NELL2: variants seen among roughly 807,000 people sequenced by gnomAD.
NELL2 encodes the protein protein kinase C-binding protein NELL2.
In NELL2, 41 loss-of-function variants were observed where a neutral mutation model predicts 109.6. The ratio of observed to expected loss-of-function variants is 0.37; its 90% CI spans 0.29 to 0.49. NELL2 has a LOEUF of 0.49. NELL2 is among the 20% of genes least tolerant of loss of function. The pLI is 0.98. For synonymous variants in NELL2, 355 were observed against 344.7 expected (o/e 1.03, Z -0.33); for missense variants, 900 against 1,008.3 (o/e 0.89, Z 1.45).
intron 15 of NELL2, among the ~76,000 whole-genome samples, chr12:44,606,942 A>G (rs539560835): frequency 6.6e-6 from 1 of 152,278 alleles, no homozygotes; most frequent in African/African-American, 2.4e-5. Context: ...GAAAAGTTCA[A>G]TATGCGTCTA....
At chr12:44,591,154 G>GGATGT (rs1249491431) in intron 15 of NELL2, among the ~76,000 whole-genome samples, 1 of 152,134 alleles carries the variant, frequency 6.6e-6, no homozygotes, top group Non-Finnish European at 1.5e-5. Flanking sequence ...TGAACAAAAA[G>GGATGT]GAACTCTAAT....
intron 17 of NELL2, among the ~76,000 whole-genome samples, chr12:44,522,613 T>C (rs558614612): frequency 1.3e-5 from 2 of 152,318 alleles, no homozygotes; most frequent in East Asian, 1.9e-4. Flanking sequence ...AAAACCTATG[T>C]TTTTGTATAA....
rs77244271 is a variant in NELL2 at position 44,680,079 on chromosome 12, T to G, written c.1319-14470A>C. Among the ~76,000 whole-genome samples the G allele has an allele frequency of 3.3e-4, 50 of 152,270 alleles. 1 individual carries two copies. The East Asian group carries it at 8.9e-3, about 27-fold the overall frequency. ...GAAGGTGGATTATTATTTTTAAAAA[T>G]TAGAAACTAATTTAGTAAATATATA... On this transcript the variant is annotated intron_variant, in intron 12 of 19. Coordinates refer to ENST00000429094, the MANE Select transcript of NELL2 (RefSeq NM_001145108.2).
chr12:44,528,400 G>A (rs1315849475), intron 16 of NELL2, among the ~76,000 whole-genome samples: 1 of 152,004 alleles, frequency 6.6e-6, no homozygotes, highest in Non-Finnish European at 1.5e-5. Context: ...CTGAACACTC[G>A]TGAATGCATT....
intron 9 of NELL2, among the ~76,000 whole-genome samples, chr12:44,771,800 T>G (rs1440707793): frequency 6.6e-6 from 1 of 152,202 alleles, no homozygotes; most frequent in African/African-American, 2.4e-5. Flanking sequence ...GAGTTGAAGT[T>G]ACCGAGGGAA....
At chr12:44,641,894 A>G (rs1263322796) in intron 13 of NELL2, among the ~76,000 whole-genome samples, 2 of 151,878 alleles carry the variant, frequency 1.3e-5, no homozygotes, top group Non-Finnish European at 2.9e-5. Flanking sequence ...AAAGGGTTTC[A>G]CAGTATTGCC....
chr12:44,901,607 A>C (rs924661358), intron 1 of NELL2, among the ~76,000 whole-genome samples: 1 of 152,170 alleles, frequency 6.6e-6, no homozygotes, highest in Non-Finnish European at 1.5e-5. Context: ...AAAAAAGAAA[A>C]TTTCAGGTCA....
intron 1 of NELL2, among the ~76,000 whole-genome samples, chr12:44,910,461 G>A (rs898016841): frequency 8.6e-5 from 13 of 151,758 alleles, no homozygotes; most frequent in African/African-American, 3.1e-4. Context: ...AAAACACCAG[G>A]CACTGAGGAG....
intron 19 of NELL2, among the ~76,000 whole-genome samples, chr12:44,516,496 AC>A (rs1941263482): frequency 6.6e-6 from 1 of 152,148 alleles, no homozygotes; most frequent in African/African-American, 2.4e-5. Context: ...ATTAGGAGAA[AC>A]TTTTTTACTA....
upstream of NELL2, among the ~76,000 whole-genome samples, chr12:44,918,515 G>GTA (rs141974336): frequency 8.4e-4 from 105 of 124,962 alleles, no homozygotes; most frequent in African/African-American, 8.4e-4. Flanking sequence ...ATGCATGCAT[G>GTA]TATGTGTGTG....
chr12:44,780,573 C>G (rs1266352359), intron 3 of NELL2, among the ~76,000 whole-genome samples: 1 of 151,878 alleles, frequency 6.6e-6, no homozygotes, highest in Non-Finnish European at 1.5e-5. Flanking sequence ...TTAACCCTCC[C>G]AGGCAGTAAT....
intron 2 of NELL2, among the ~76,000 whole-genome samples, chr12:44,863,777 T>C (rs544869007): frequency 6.6e-6 from 1 of 152,162 alleles, no homozygotes; most frequent in Non-Finnish European, 1.5e-5. Context: ...AATACTATAA[T>C]GGTAGTGTGT....
chr12:44,762,073 A>G (rs908595867), intron 9 of NELL2, among the ~76,000 whole-genome samples: 1 of 152,190 alleles, frequency 6.6e-6, no homozygotes, highest in Non-Finnish European at 1.5e-5. Context: ...ACAAAAAAAT[A>G]GAAATTGTCA....
intron 19 of NELL2, among the ~76,000 whole-genome samples, chr12:44,515,048 GA>G (rs1206561165): frequency 2.6e-5 from 4 of 151,390 alleles, no homozygotes; most frequent in Admixed American, 2.0e-4. Flanking sequence ...TGTTATTAAA[GA>G]AAAAGAAGGC....
chr12:44,536,372 T>G (rs1011185669), intron 15 of NELL2, among the ~76,000 whole-genome samples: 3 of 152,066 alleles, frequency 2.0e-5, no homozygotes, highest in Non-Finnish European at 4.4e-5. Context: ...CATATTGTGT[T>G]TCACATATTT....
chr12:44,523,230 C>T (rs192963979), intron 17 of NELL2, 61 bp downstream of exon 17: 18 of 1,563,466 alleles, frequency 1.2e-5, no homozygotes. Flanking sequence ...CATATACACA[C>T]TTAAAACATA....
intron 9 of NELL2, among the ~76,000 whole-genome samples, chr12:44,742,534 A>G (rs527415516): frequency 6.6e-6 from 1 of 152,326 alleles, no homozygotes; most frequent in Non-Finnish European, 1.5e-5. Context: ...AATTCGAACC[A>G]ATGGTAAAGA....
At chr12:44,522,297 T>C in intron 17 of NELL2, 121 bp from the exon 18 acceptor site, 2 of 707,398 alleles carry the variant, frequency 2.8e-6, no homozygotes, top group Non-Finnish European at 4.2e-6. Flanking sequence ...ACACTGCTTA[T>C]CTGATATAAT....
chr12:44,726,335 ATC>A (rs1243693173), intron 9 of NELL2, among the ~76,000 whole-genome samples: 9 of 152,288 alleles, frequency 5.9e-5, no homozygotes, highest in African/African-American at 1.7e-4. Context: ...GAGAAATATT[ATC>A]TGTCTATCTT....
Sources: allele counts gnomAD v4.1 joint callset (sites outside exome capture counted in the v4.1 genomes callset), GRCh38; gene constraint gnomAD v4.1.1; transcripts MANE v1.5; gene names NCBI Gene and HGNC (gene_info 2026-07-23, HGNC 2026-07-21).